The following CACNA1E variants were observed in gnomAD, a reference collection of about 807,000 sequenced individuals.
CACNA1E encodes the protein calcium voltage-gated channel subunit alpha1 E.
In CACNA1E, 40 loss-of-function variants were observed where a neutral mutation model predicts 259.2. The observed-to-expected ratio is 0.15, with a 90% CI of 0.12 to 0.20. The LOEUF is 0.20. Among genes scored for constraint, CACNA1E ranks in the 10% least tolerant of loss-of-function variants. CACNA1E has a pLI of 1.00. For synonymous variants in CACNA1E, 1,104 were observed against 1,138.5 expected (o/e 0.97, Z 0.61); for missense variants, 1,874 against 3,040.1 (o/e 0.62, Z 9.02).
At chr1:181,754,843 G>T (rs1370950692) in intron 27 of CACNA1E, among the ~76,000 whole-genome samples, 1 of 152,178 alleles carries the variant, frequency 6.6e-6, no homozygotes, top group Non-Finnish European at 1.5e-5. Context: ...ACCAAATAAA[G>T]CACAAGCTAT....
chr1:181,661,895 A>G (rs1260989995), intron 7 of CACNA1E, among the ~76,000 whole-genome samples: 2 of 152,250 alleles, frequency 1.3e-5, no homozygotes, highest in African/African-American at 4.8e-5. Flanking sequence ...TATGCTTTTA[A>G]GCAGATCCTC....
At chr1:181,611,326 G>T (rs910454484) in intron 6 of CACNA1E, among the ~76,000 whole-genome samples, 2 of 151,674 alleles carry the variant, frequency 1.3e-5, no homozygotes, top group African/African-American at 4.8e-5. Flanking sequence ...TATGTGCTAG[G>T]TACCATGGTG....
At chr1:181,789,748 C>A (rs1357892164) in intron 43 of CACNA1E, among the ~76,000 whole-genome samples, 1 of 152,244 alleles carries the variant, frequency 6.6e-6, no homozygotes, top group Non-Finnish European at 1.5e-5. Context: ...GGTTTAATAA[C>A]AAGCCTACTG....
intron 43 of CACNA1E, among the ~76,000 whole-genome samples, chr1:181,789,228 A>G (rs920270426): frequency 9.2e-5 from 14 of 152,240 alleles, no homozygotes; most frequent in Admixed American, 8.5e-4. Flanking sequence ...GAGATGCCAC[A>G]AGTGGGGAAG....
At chr1:181,579,972 G>A (rs1277679293) in intron 5 of CACNA1E, among the ~76,000 whole-genome samples, 1 of 152,174 alleles carries the variant, frequency 6.6e-6, no homozygotes, top group Non-Finnish European at 1.5e-5. Flanking sequence ...TCATATCTTT[G>A]TATTTCATTT....
intron 1 of CACNA1E, among the ~76,000 whole-genome samples, chr1:181,383,360 A>T (rs746970296): frequency 2.4e-4 from 37 of 152,226 alleles, no homozygotes; most frequent in Non-Finnish European, 4.3e-4. Context: ...GCACAGAAAA[A>T]TTAGAAGGGA....
intron 26 of CACNA1E, among the ~76,000 whole-genome samples, chr1:181,751,816 G>A (rs1043194839): frequency 2.0e-5 from 3 of 152,172 alleles, no homozygotes; most frequent in African/African-American, 7.2e-5. Flanking sequence ...GCATTAGACT[G>A]GTAGTTAGGG....
At chr1:181,509,845 AG>A (rs1666015578) in intron 1 of CACNA1E, among the ~76,000 whole-genome samples, 2 of 152,364 alleles carry the variant, frequency 1.3e-5, no homozygotes, top group Middle Eastern at 3.4e-3. Flanking sequence ...GAAGAAAATA[AG>A]GTGGGACAAA....
rs118060823 is a variant in CACNA1E at position 181,380,190 on chromosome 1, C to T, written c.-14-32943C>T. Among the ~76,000 whole-genome samples, 78 of 151,626 alleles carry T rather than the reference C, an allele frequency of 5.1e-4. 1 individual carries two copies. In the East Asian group the frequency reaches 0.012, roughly 24 times the overall value. ...GAGGAAAAAACTTATCAATAAATAC[C>T]GCACTTGAAAGAGGCATTGTCAGAT... On this transcript the variant is annotated intron_variant, in intron 1 of 11. Coordinates refer to the CACNA1E transcript ENST00000524607.
rs1662713015 is a variant in CACNA1E, at chr1:181,807,494, C to G, written c.*8660C>G. ...AATTGCTCCCTTGCCACAGGGAAAG[C>G]AGCAAGCCCCAGGCCCAGGCCTCCA... On this transcript the variant is annotated 3_prime_UTR_variant, in exon 48 of 48. Transcript: ENST00000367573. The G allele has an allele frequency of 6.6e-6, 1 of 152,166 alleles. No individual in the cohort carries two copies. The highest frequency in any genetic ancestry group is 1.9e-4 in the East Asian group (1 of 5,142). The allele number at this position is 152,166 out of a possible 1,614,324, so 9.4% of individuals were successfully genotyped here.
At chr1:181,791,592 A>ATCAT (rs1425311332) in intron 44 of CACNA1E, among the ~76,000 whole-genome samples, 1 of 152,230 alleles carries the variant, frequency 6.6e-6, no homozygotes, top group African/African-American at 2.4e-5. Flanking sequence ...GTTCCTAAAC[A>ATCAT]TCATTGACTT....
At chr1:181,520,186 G>A (rs588551) in intron 3 of CACNA1E, among the ~76,000 whole-genome samples, 76,201 of 151,796 alleles carry the variant, frequency 0.5, 19,439 homozygotes, top group South Asian at 0.57. Context: ...TCCATTTTAC[G>A]GATGAGGAAA....
chr1:181,484,678 C>T (rs948837746), intron 1 of CACNA1E, among the ~76,000 whole-genome samples: 3 of 152,248 alleles, frequency 2.0e-5, no homozygotes, highest in Non-Finnish European at 2.9e-5. Flanking sequence ...TGGAGTTCTC[C>T]TCTCAGCCAA....
At chr1:181,330,835 T>C (rs1462661684) in intron 1 of CACNA1E, among the ~76,000 whole-genome samples, 3 of 152,230 alleles carry the variant, frequency 2.0e-5, no homozygotes, top group Non-Finnish European at 4.4e-5. Flanking sequence ...GTTTCCTTGA[T>C]GTATGTAGGA....
chr1:181,632,544 A>G (rs1046110701), intron 6 of CACNA1E, among the ~76,000 whole-genome samples: 3 of 152,218 alleles, frequency 2.0e-5, no homozygotes, highest in African/African-American at 4.8e-5. Context: ...CATATTTAAT[A>G]TTTAATTTAA....
At chr1:181,647,321 C>T (rs778652525) in intron 6 of CACNA1E, among the ~76,000 whole-genome samples, 32 of 152,208 alleles carry the variant, frequency 2.1e-4, no homozygotes, top group Non-Finnish European at 7.4e-5. Context: ...GCATGGCTGT[C>T]CCGTGTTCCT....
upstream of CACNA1E, among the ~76,000 whole-genome samples, chr1:181,482,148 T>A (rs368662143): frequency 1.4e-3 from 220 of 152,232 alleles, no homozygotes; most frequent in Non-Finnish European, 2.7e-3. Context: ...GGGGAGAGGG[T>A]TCTGCCCTCT....
At chr1:181,508,094 A>AG (rs1443538266) in intron 1 of CACNA1E, among the ~76,000 whole-genome samples, 1 of 152,026 alleles carries the variant, frequency 6.6e-6, no homozygotes, top group Non-Finnish European at 1.5e-5. Flanking sequence ...TCTGAAAAAA[A>AG]GAGTTACAAG....
chr1:181,679,693 T>C (rs894258817), intron 7 of CACNA1E, among the ~76,000 whole-genome samples: 3 of 152,168 alleles, frequency 2.0e-5, no homozygotes, highest in African/African-American at 7.2e-5. Flanking sequence ...TTTGTCCTCC[T>C]CCTGTCAGTG....
Sources: gnomAD v4.1 joint callset for allele counts (sites outside exome capture counted in the v4.1 genomes callset) on GRCh38, gnomAD v4.1.1 for gene constraint, MANE v1.5 for transcripts, NCBI Gene and HGNC (gene_info 2026-07-23, HGNC 2026-07-21) for gene names.